Variants in CDKAL1 observed in about 807,000 individuals in gnomAD.
CDKAL1 encodes threonylcarbamoyladenosine tRNA methylthiotransferase.
CDKAL1 carries 32 observed loss-of-function variants against 68.2 expected under a neutral mutation model. The ratio of observed to expected loss-of-function variants is 0.47; its 90% CI spans 0.35 to 0.63. The LOEUF (loss-of-function observed/expected upper bound fraction) is 0.63, where lower values mean the gene tolerates loss of function less well. CDKAL1 is among the 30% of genes least tolerant of loss of function. The pLI is 0.00. For synonymous variants in CDKAL1, 234 were observed against 244.3 expected, an observed-to-expected ratio of 0.96 and a Z score of 0.39; for missense variants, 606 against 696.7, an observed-to-expected ratio of 0.87 and a Z score of 1.47.
intron 8 of CDKAL1, among the ~76,000 whole-genome samples, chr6:20,799,299 A>T (rs1298613659): frequency 6.6e-6 from 1 of 151,974 alleles, no homozygotes; most frequent in Non-Finnish European, 1.5e-5. Flanking sequence ...TGTTCCACCC[A>T]CCTTGGCCTC....
chr6:21,205,721 C>A (rs138311792), intron 15 of CDKAL1, among the ~76,000 whole-genome samples: 7 of 149,574 alleles, frequency 4.7e-5, no homozygotes, highest in Non-Finnish European at 8.9e-5. Context: ...TTAGTAGAGA[C>A]GGGGTTTCAC....
Position 21,210,358 on chromosome 6 carries a change from G to A in CDKAL1, c.1548+9084G>A, listed in dbSNP as rs546252727. Among the ~76,000 whole-genome samples, 7 of 152,196 alleles carry A rather than the reference G, an allele frequency of 4.6e-5. No individual in the cohort carries two copies. The South Asian group carries it at 1.2e-3, about 27-fold the overall frequency. ...TGGGAGGTGGTTAGGTCATGAGGGC[G>A]GAGCCTTCATGATGAGGATTAGTAC... On this transcript the variant is annotated intron_variant, in intron 15 of 15. Transcript: ENST00000274695.
At chr6:20,976,422 C>T (rs925291479) in intron 10 of CDKAL1, among the ~76,000 whole-genome samples, 1 of 152,122 alleles carries the variant, frequency 6.6e-6, no homozygotes, top group Non-Finnish European at 1.5e-5. Context: ...CCATTTGTTC[C>T]TTCATTTATG....
At chr6:20,856,547 G>A (rs1280054682) in intron 9 of CDKAL1, among the ~76,000 whole-genome samples, 3 of 152,150 alleles carry the variant, frequency 2.0e-5, no homozygotes, top group Non-Finnish European at 2.9e-5. Flanking sequence ...GATAGTTAAT[G>A]GGTATCTAAC....
intron 7 of CDKAL1, among the ~76,000 whole-genome samples, chr6:20,771,344 C>T (rs1774933311): frequency 6.6e-6 from 1 of 152,144 alleles, no homozygotes; most frequent in Non-Finnish European, 1.5e-5. Flanking sequence ...AAGTGAGCTC[C>T]AGGGGCCTCC....
chr6:20,879,365 G>T (rs1760700061), intron 9 of CDKAL1, among the ~76,000 whole-genome samples: 1 of 152,186 alleles, frequency 6.6e-6, no homozygotes, highest in Admixed American at 6.5e-5. Flanking sequence ...ACACCTGCTG[G>T]TTTCAGCACT....
intron 7 of CDKAL1, among the ~76,000 whole-genome samples, chr6:20,779,634 T>C (rs755867803): frequency 2.6e-5 from 4 of 152,224 alleles, no homozygotes; most frequent in Non-Finnish European, 5.9e-5. Flanking sequence ...ACCCAGGTTG[T>C]AGCGCAGTGG....
At chr6:21,038,690 T>G (rs1252533238) in intron 11 of CDKAL1, among the ~76,000 whole-genome samples, 1 of 152,162 alleles carries the variant, frequency 6.6e-6, no homozygotes. Context: ...GTGATTTTTT[T>G]TGGGGCTCAT....
intron 9 of CDKAL1, among the ~76,000 whole-genome samples, chr6:20,847,557 A>T (rs758144035): frequency 6.6e-6 from 1 of 152,314 alleles, no homozygotes; most frequent in Non-Finnish European, 1.5e-5. Flanking sequence ...TAATTTTTTT[A>T]AAAATCTATT....
In CDKAL1 at chr6:21,232,298, C is replaced by T. The variant is rs1213901723; in HGVS notation, c.*1259C>T. ...CTGGGATTACAGGCGTGAGCCACTCCACCCAGCCCAGATTAAATGTTTTTA... is the reference window on the plus strand; with the variant it reads ...CTGGGATTACAGGCGTGAGCCACTCTACCCAGCCCAGATTAAATGTTTTTA... On this transcript the variant is annotated 3_prime_UTR_variant, in exon 16 of 16. Transcript: ENST00000274695. The T allele has an allele frequency of 6.6e-6, 1 of 152,250 alleles. No individual in the cohort carries two copies. Among genetic ancestry groups the T allele is most frequent in the African/African-American group, 2.4e-5 (1 of 41,464 alleles). The allele number at this position is 152,250 out of a possible 1,614,324, so 9.4% of individuals were successfully genotyped here. A position where few individuals can be genotyped will look rare whatever the true frequency, so the allele number is the denominator to read the frequency against.
At position 21,202,901 on chromosome 6, in the gene CDKAL1, G is replaced by A. The variant is rs1475533918; in HGVS notation, c.1548+1627G>A. On this transcript the variant is annotated intron_variant, in intron 15 of 15. Coordinates refer to ENST00000274695, the MANE Select transcript of CDKAL1 (RefSeq NM_017774.3). ...ACCAGCCCAGCTCTGAACCAGAATG[G>A]CCCAAAAGTCCCGGATAAGATGAGG... is the stretch of plus-strand genomic sequence containing the variant. Among the ~76,000 whole-genome samples the A allele has an allele frequency of 3.3e-5, 5 of 152,166 alleles. No individual in the cohort carries two copies. The East Asian group carries it at 9.6e-4, about 29-fold the overall frequency.
At chr6:20,808,164 T>G (rs1378356043) in intron 8 of CDKAL1, among the ~76,000 whole-genome samples, 2 of 152,270 alleles carry the variant, frequency 1.3e-5, no homozygotes, top group Non-Finnish European at 2.9e-5. Context: ...TAATTAATTT[T>G]GTTGCTAGGG....
rs1763311073 is a variant in CDKAL1, at chr6:20,539,642, G to A, written c.-6+4248G>A. 1.3e-5 allele frequency among the ~76,000 whole-genome samples: 2 copies of A among 152,084 alleles called. No homozygotes were observed. Among genetic ancestry groups the A allele is most frequent in the Admixed American group, 6.6e-5 (1 of 15,262 alleles). On this transcript the variant is annotated intron_variant, in intron 2 of 15. Coordinates refer to ENST00000274695, the MANE Select transcript of CDKAL1 (RefSeq NM_017774.3). This position sits in a 1 kb window ranked among gnomAD's most constrained non-coding sequence, Gnocchi z 4.3. The stretch of plus-strand genomic sequence containing the variant: ...AAATGAATGCATATCTAGTGGGTAC[G>A]AAATAACAAAGCCTGCATGACTGAG...
chr6:20,725,090 T>A (rs915305899), intron 5 of CDKAL1, among the ~76,000 whole-genome samples: 2 of 152,148 alleles, frequency 1.3e-5, no homozygotes, highest in African/African-American at 4.8e-5. Flanking sequence ...TTTATTAAGG[T>A]CTTCGGATAT....
At chr6:20,848,396 C>A (rs781749871) in intron 9 of CDKAL1, among the ~76,000 whole-genome samples, 21 of 151,772 alleles carry the variant, frequency 1.4e-4, no homozygotes, top group Middle Eastern at 3.4e-3. Context: ...GTGATTATGA[C>A]TTTTTCTAAC....
intron 8 of CDKAL1, among the ~76,000 whole-genome samples, chr6:20,796,999 A>G (rs1384799725): frequency 6.6e-6 from 1 of 152,172 alleles, no homozygotes; most frequent in Non-Finnish European, 1.5e-5. Flanking sequence ...CTGATACCCA[A>G]AAGTATGATC....
At chr6:20,645,623 T>C (rs2876575) in intron 4 of CDKAL1, among the ~76,000 whole-genome samples, 151,685 of 151,734 alleles carry the variant, frequency 1, 75,818 homozygotes, top group Middle Eastern at 1. Flanking sequence ...CCCAGCTACT[T>C]GGGCGGCTGA....
intron 8 of CDKAL1, among the ~76,000 whole-genome samples, chr6:20,824,104 C>T (rs1777401619): frequency 6.6e-6 from 1 of 152,064 alleles, no homozygotes. Context: ...ATGGATAGAA[C>T]AACCAAAGGT....
At chr6:20,580,481 C>T (rs761704211) in intron 4 of CDKAL1, among the ~76,000 whole-genome samples, 2 of 152,056 alleles carry the variant, frequency 1.3e-5, no homozygotes, top group South Asian at 2.1e-4. Context: ...TGTCGGTGCA[C>T]TATTATGGCC....
Sources: allele counts gnomAD v4.1 joint callset (sites outside exome capture counted in the v4.1 genomes callset), GRCh38; gene constraint gnomAD v4.1.1; non-coding constraint Gnocchi (gnomAD v3.1); transcripts MANE v1.5; gene names NCBI Gene and HGNC (gene_info 2026-07-23, HGNC 2026-07-21).